Variants in ATP10B observed in about 807,000 individuals in gnomAD.
The protein encoded by ATP10B is phospholipid-transporting ATPase VB.
Under a neutral mutation model 141.2 loss-of-function variants are expected in ATP10B, and 122 were observed. The observed-to-expected ratio is 0.86, with a 90% CI of 0.75 to 1.00. The LOEUF (loss-of-function observed/expected upper bound fraction) is 1.00. Ranked by LOEUF, ATP10B falls within the 50% of genes least tolerant of loss-of-function variation. The pLI is 0.00. For missense variants in ATP10B, 1,876 were observed against 1,825.3 expected, an observed-to-expected ratio of 1.03 and a Z score of -0.51; for synonymous variants, 685 against 692.0, an observed-to-expected ratio of 0.99 and a Z score of 0.16.
the ATP10B span, among the ~76,000 whole-genome samples, chr5:160,868,449 T>C: frequency 6.6e-6 from 1 of 151,934 alleles, no homozygotes. Context: ...ATGAAGTTTG[T>C]GATTTTCTTT....
intron 1 of ATP10B, among the ~76,000 whole-genome samples, chr5:160,833,684 G>A (rs528276683): frequency 2.0e-5 from 3 of 152,278 alleles, no homozygotes; most frequent in African/African-American, 7.2e-5. Context: ...AAAGGATCTA[G>A]TGGAGGAACT....
the ATP10B span, among the ~76,000 whole-genome samples, chr5:160,859,167 T>C: frequency 6.6e-6 from 1 of 151,966 alleles, no homozygotes; most frequent in Non-Finnish European, 1.5e-5. Context: ...CCTTTATTTT[T>C]TTGTTTGTTT....
the ATP10B span, among the ~76,000 whole-genome samples, chr5:160,912,312 C>T: frequency 5.4e-4 from 81 of 150,660 alleles, no homozygotes; most frequent in African/African-American, 1.9e-3. Context: ...TGCAGTGGCT[C>T]ACGCCTATAA....
intron 25 of ATP10B, among the ~76,000 whole-genome samples, chr5:160,568,702 T>C (rs1754701380): frequency 6.6e-6 from 1 of 152,126 alleles, no homozygotes; most frequent in Non-Finnish European, 1.5e-5. Flanking sequence ...ATGAGTGGGG[T>C]ACTAGAACCA....
Position 160,753,907 on chromosome 5 carries a change from A to G in ATP10B, c.-331+31652T>C, listed in dbSNP as rs76090550. On this transcript the variant is annotated intron_variant, in intron 2 of 25. Transcript: ENST00000327245. Reference sequence around the variant, plus strand: ...GAAACTCTGTCTGGCTTCTGATCCCATGATTTGAACCACTTTACTATGACT... The same window carrying G: ...GAAACTCTGTCTGGCTTCTGATCCCGTGATTTGAACCACTTTACTATGACT... Among the ~76,000 whole-genome samples, 467 of 152,314 alleles carry G rather than the reference A, an allele frequency of 3.1e-3. 2 individuals carry two copies. The highest frequency in any genetic ancestry group is 0.011 in the African/African-American group (443 of 41,552).
At chr5:160,717,798 C>T (rs1765750155) in intron 2 of ATP10B, among the ~76,000 whole-genome samples, 1 of 152,120 alleles carries the variant, frequency 6.6e-6, no homozygotes, top group Non-Finnish European at 1.5e-5. Context: ...CCCAAATCTG[C>T]CATGCTGTAC....
At chr5:160,695,516 G>A (rs1220059809) in intron 3 of ATP10B, among the ~76,000 whole-genome samples, 1 of 143,248 alleles carries the variant, frequency 7.0e-6, no homozygotes, top group Non-Finnish European at 1.5e-5. Context: ...GTGTGTGTGT[G>A]TGTGTATGTG....
chr5:160,620,955 T>G lies in ATP10B; in HGVS notation c.1813-5A>C. 1.2e-6 allele frequency: 2 copies of G among 1,603,388 alleles called. No homozygotes were observed. The highest frequency in any genetic ancestry group is 1.7e-6 in the Non-Finnish European group (2 of 1,174,350). On this transcript the variant is annotated splice_region_variant and splice_polypyrimidine_tract_variant and intron_variant, in intron 14 of 25. Transcript: ENST00000327245. ...GCTTGAGGGTTTGATGGTGACCTTG[T>G]GGCCAAAGAAGGAAAGTGGAATATT...
intron 3 of ATP10B, among the ~76,000 whole-genome samples, chr5:160,694,700 A>G (rs945018276): frequency 6.6e-6 from 1 of 152,222 alleles, no homozygotes; most frequent in African/African-American, 2.4e-5. Context: ...TACGGGATAA[A>G]TCAACTAGTC....
At chr5:160,808,298 A>G (rs1053743172) in intron 1 of ATP10B, among the ~76,000 whole-genome samples, 1 of 152,066 alleles carries the variant, frequency 6.6e-6, no homozygotes, top group Non-Finnish European at 1.5e-5. Flanking sequence ...TGAATTTGCG[A>G]TTTTATTATT....
At chr5:160,590,991 A>T in intron 23 of ATP10B, 68 bp downstream of exon 23, 2 of 1,361,266 alleles carry the variant, frequency 1.5e-6, no homozygotes, top group Non-Finnish European at 2.1e-6. Context: ...ACTGGTCTGG[A>T]ACTTTATATA....
At chr5:160,850,711 T>C (rs549104903) in intron 1 of ATP10B, among the ~76,000 whole-genome samples, 19 of 152,220 alleles carry the variant, frequency 1.2e-4, no homozygotes, top group Admixed American at 6.5e-5. Flanking sequence ...AGCATGTGGG[T>C]TTCAACCTTC....
chr5:160,567,387 C>T (rs1273218179), intron 25 of ATP10B, among the ~76,000 whole-genome samples: 1 of 152,168 alleles, frequency 6.6e-6, no homozygotes, highest in Non-Finnish European at 1.5e-5. Context: ...AAATCCACGC[C>T]CTTAAATGTT....
intron 2 of ATP10B, among the ~76,000 whole-genome samples, chr5:160,772,580 T>C (rs1769985498): frequency 6.6e-6 from 1 of 152,168 alleles, no homozygotes; most frequent in Non-Finnish European, 1.5e-5. Context: ...CGTCAGGCAT[T>C]AGATTCTTGT....
Position 160,565,197 on chromosome 5 carries a change from C to A in ATP10B, c.*256G>T, listed in dbSNP as rs1754456793. The A allele has an allele frequency of 2.0e-6, 1 of 512,012 alleles. No homozygotes were observed. 31.7% of individuals were successfully genotyped at this position (512,012 alleles called of 1,614,324 possible). A position where few individuals can be genotyped will look rare whatever the true frequency, so the allele number is the denominator to read the frequency against. Reference sequence around the variant, plus strand: ...TCTAAACCGATTTGAGAACTCGATTCAACAAAAACAGCCTCCTTCTCCAAA... The same window carrying A: ...TCTAAACCGATTTGAGAACTCGATTAAACAAAAACAGCCTCCTTCTCCAAA... On this transcript the variant is annotated 3_prime_UTR_variant, in exon 26 of 26. Transcript: ENST00000327245.
At chr5:160,838,207 C>T (rs1330522462) in intron 1 of ATP10B, among the ~76,000 whole-genome samples, 2 of 152,156 alleles carry the variant, frequency 1.3e-5, no homozygotes, top group Non-Finnish European at 2.9e-5. Context: ...CTGTAGGTTC[C>T]TCACATCATA....
At position 160,785,784 on chromosome 5, in the gene ATP10B, A is replaced by T; in HGVS notation, c.-556T>A. 2.4e-6 allele frequency: 2 copies of T among 834,192 alleles called. No individual in the cohort carries two copies. Among genetic ancestry groups the T allele is most frequent in the Non-Finnish European group, 3.3e-6 (2 of 614,958 alleles). 51.7% of individuals were successfully genotyped at this position (834,192 alleles called of 1,614,324 possible). A position where few individuals can be genotyped will look rare whatever the true frequency, so the allele number is the denominator to read the frequency against. On this transcript the variant is annotated 5_prime_UTR_variant, in exon 2 of 26. Coordinates refer to ENST00000327245, the MANE Select transcript of ATP10B (RefSeq NM_025153.3). ...AAACAAATGTCACCAGTCGGTTCTG[A>T]TTCTCTTGTCAAAGGAAGCCTGCAC...
chr5:160,912,155 C>CA, the ATP10B span, among the ~76,000 whole-genome samples: 2 of 152,030 alleles, frequency 1.3e-5, no homozygotes, highest in Non-Finnish European at 2.9e-5. Flanking sequence ...ATAACTATTA[C>CA]ACTTGGGTTC....
chr5:160,725,737 GC>G (rs1463169230), intron 2 of ATP10B, among the ~76,000 whole-genome samples: 4 of 152,138 alleles, frequency 2.6e-5, no homozygotes, highest in Non-Finnish European at 5.9e-5. Context: ...GAGCCACCAC[GC>G]CCGGCCTACT....
Sources: allele counts gnomAD v4.1 joint callset (sites outside exome capture counted in the v4.1 genomes callset), GRCh38; gene constraint gnomAD v4.1.1; transcripts MANE v1.5; gene names NCBI Gene and HGNC (gene_info 2026-07-23, HGNC 2026-07-21).